Variants in RNF38 observed in about 807,000 individuals in gnomAD.
RNF38 encodes ring finger protein 38.
In RNF38, 15 loss-of-function variants were observed where a neutral mutation model predicts 67.2. The ratio of observed to expected loss-of-function variants is 0.22; its 90% CI spans 0.15 to 0.34. The LOEUF is 0.34. RNF38 is among the 10% of genes least tolerant of loss of function. RNF38 has a pLI of 1.00. For synonymous variants in RNF38, 220 were observed against 218.8 expected (o/e 1.01, Z -0.05); for missense variants, 524 against 639.9 (o/e 0.82, Z 1.95).
At chr9:36,341,487 C>A (rs1043619870) in intron 11 of RNF38, among the ~76,000 whole-genome samples, 1 of 151,996 alleles carries the variant, frequency 6.6e-6, no homozygotes, top group Non-Finnish European at 1.5e-5. Flanking sequence ...CTGCACCCAG[C>A]CTATTAAAAT....
intron 6 of RNF38, among the ~76,000 whole-genome samples, chr9:36,354,215 A>T (rs551152482): frequency 1.3e-5 from 2 of 152,294 alleles, no homozygotes; most frequent in South Asian, 4.1e-4. Flanking sequence ...TTTTTGAGAC[A>T]GAGTCTTGCT....
chr9:36,451,716 T>C (rs1321896003), intron 1 of RNF38, among the ~76,000 whole-genome samples: 3 of 151,498 alleles, frequency 2.0e-5, no homozygotes, highest in Admixed American at 6.6e-5. Flanking sequence ...GTCAGGCTGG[T>C]CTTCAACTCC....
chr9:36,413,942 A>G (rs1244566463), intron 2 of RNF38, among the ~76,000 whole-genome samples: 1 of 152,118 alleles, frequency 6.6e-6, no homozygotes, highest in East Asian at 1.9e-4. Context: ...TAGGATTATG[A>G]TATTTTCCTG....
At chr9:36,340,138 C>A (rs187593871) in intron 11 of RNF38, among the ~76,000 whole-genome samples, 69 of 152,228 alleles carry the variant, frequency 4.5e-4, no homozygotes, top group African/African-American at 1.6e-3. Context: ...CACCACCATG[C>A]CTGGCTAATT....
At chr9:36,483,582 T>C (rs891627777) in intron 1 of RNF38, among the ~76,000 whole-genome samples, 1 of 151,992 alleles carries the variant, frequency 6.6e-6, no homozygotes, top group Non-Finnish European at 1.5e-5. Flanking sequence ...ACTAGCAAAT[T>C]TTGGAGAAAG....
intron 2 of RNF38, among the ~76,000 whole-genome samples, chr9:36,385,823 G>A (rs915104481): frequency 2.0e-5 from 3 of 152,142 alleles, no homozygotes; most frequent in Non-Finnish European, 2.9e-5. Context: ...TTCTTGGCAC[G>A]TCGCACAACC....
chr9:36,434,141 C>T (rs1187787888), intron 1 of RNF38, among the ~76,000 whole-genome samples: 1 of 149,720 alleles, frequency 6.7e-6, no homozygotes, highest in East Asian at 2.0e-4. Context: ...GAGACTGAGG[C>T]AGGAGAATGG....
chr9:36,351,226 T>TATCAA, intron 8 of RNF38, 27 bp from the exon 9 acceptor site: 1 of 1,504,534 alleles, frequency 6.6e-7, no homozygotes, highest in Non-Finnish European at 9.2e-7. Flanking sequence ...CACACTAGCA[T>TATCAA]TGATATGTTA....
chr9:36,382,576 TAGG>T (rs1227343746), intron 2 of RNF38, among the ~76,000 whole-genome samples: 4 of 152,196 alleles, frequency 2.6e-5, no homozygotes, highest in African/African-American at 9.7e-5. Context: ...TTAGAGATAA[TAGG>T]AGATGCTGAG....
chr9:36,459,201 TG>T (rs1223855210), intron 1 of RNF38, among the ~76,000 whole-genome samples: 2 of 147,864 alleles, frequency 1.4e-5, no homozygotes, highest in African/African-American at 5.0e-5. Context: ...AGCGAGACTC[TG>T]TCTCAAAAAA....
At chr9:36,431,070 C>G (rs1216690554) in intron 1 of RNF38, among the ~76,000 whole-genome samples, 1 of 152,152 alleles carries the variant, frequency 6.6e-6, no homozygotes, top group African/African-American at 2.4e-5. Context: ...AGTAGTGGGT[C>G]CTCAGGCTAA....
chr9:36,421,120 ATAAGAAAAATCATG>A (rs1195997369), intron 2 of RNF38, among the ~76,000 whole-genome samples: 4 of 152,254 alleles, frequency 2.6e-5, no homozygotes, highest in Admixed American at 6.5e-5. Context: ...GAGAAAACTT[ATAAGAAAAATCATG>A]TAAGAAAAAT....
chr9:36,376,792 G>A (rs1835820822), intron 2 of RNF38, among the ~76,000 whole-genome samples: 1 of 151,976 alleles, frequency 6.6e-6, no homozygotes, highest in African/African-American at 2.4e-5. Flanking sequence ...TGGGCGTGGT[G>A]GCACATGCCT....
intron 8 of RNF38, among the ~76,000 whole-genome samples, chr9:36,352,222 C>T (rs577624891): frequency 6.6e-6 from 1 of 151,986 alleles, no homozygotes; most frequent in East Asian, 1.9e-4. Flanking sequence ...ATCGCTGGAA[C>T]CTGGGAGGCA....
chr9:36,427,685 ATCT>A (rs1838809705), intron 1 of RNF38, among the ~76,000 whole-genome samples: 3 of 148,722 alleles, frequency 2.0e-5, no homozygotes, highest in Non-Finnish European at 4.4e-5. Context: ...CTATCTATCT[ATCT>A]ATCTATCTAT....
chr9:36,359,627 TCA>T (rs1335886219), intron 4 of RNF38, among the ~76,000 whole-genome samples: 3 of 152,176 alleles, frequency 2.0e-5, no homozygotes, highest in Admixed American at 6.5e-5. Context: ...TTTGGCATTG[TCA>T]CACAGTTATT....
chr9:36,470,125 T>C (rs1839961413), intron 1 of RNF38, among the ~76,000 whole-genome samples: 1 of 152,160 alleles, frequency 6.6e-6, no homozygotes, highest in Non-Finnish European at 1.5e-5. Flanking sequence ...CCTAGGAACC[T>C]GTTTAAAATG....
Position 36,400,199 on chromosome 9 carries a change from C to T in RNF38, c.-91G>A. ...AACCAACCTCTCTCACGCTTCAACC[C>T]TGAAAGGAAGAACTTGCATCCCCTG... On this transcript the variant is annotated 5_prime_UTR_variant, in exon 1 of 12. Transcript: ENST00000259605. The T allele has an allele frequency of 1.3e-6, 2 of 1,543,018 alleles. No homozygotes were observed. The highest frequency in any genetic ancestry group is 2.4e-5 in the South Asian group (2 of 82,858).
chr9:36,427,241 A>C (rs1838795654), intron 1 of RNF38, among the ~76,000 whole-genome samples: 1 of 152,208 alleles, frequency 6.6e-6, no homozygotes, highest in African/African-American at 2.4e-5. Context: ...GAAATAAAAG[A>C]AAGAGTTTTT....
Sources: gnomAD v4.1 joint callset for allele counts (sites outside exome capture counted in the v4.1 genomes callset) on GRCh38, gnomAD v4.1.1 for gene constraint, MANE v1.5 for transcripts, NCBI Gene and HGNC (gene_info 2026-07-23, HGNC 2026-07-21) for gene names.